The following CACNA1B variants were observed in gnomAD, a reference collection of about 807,000 sequenced individuals.
The protein encoded by CACNA1B is calcium voltage-gated channel subunit alpha1 B.
CACNA1B carries 70 observed loss-of-function variants against 247.2 expected under a neutral mutation model. That is an observed-to-expected ratio of 0.28 (90% CI 0.23 to 0.35). CACNA1B has a LOEUF of 0.35. CACNA1B is among the 10% of genes least tolerant of loss of function. The probability of loss-of-function intolerance (pLI) is 1.00; values close to 1 mark genes in which losing one functional copy is unlikely to be tolerated. For synonymous variants in CACNA1B, 1,231 were observed against 1,294.4 expected (o/e 0.95, Z 1.05); for missense variants, 2,367 against 3,197.4 (o/e 0.74, Z 6.26).
intron 6 of CACNA1B, among the ~76,000 whole-genome samples, chr9:137,939,530 T>A (rs964826701): frequency 1.3e-5 from 2 of 152,030 alleles, no homozygotes; most frequent in Non-Finnish European, 2.9e-5. Flanking sequence ...CCGGATGTGG[T>A]GGCTCACACC....
At chr9:137,929,153 C>G (rs946848392) in intron 6 of CACNA1B, among the ~76,000 whole-genome samples, 8 of 152,168 alleles carry the variant, frequency 5.3e-5, no homozygotes, top group Non-Finnish European at 8.8e-5. Context: ...TTTGAGGAAC[C>G]ACCAAACTGT....
intron 37 of CACNA1B, among the ~76,000 whole-genome samples, chr9:138,098,657 A>G (rs1961140606): frequency 6.6e-6 from 1 of 152,188 alleles, no homozygotes; most frequent in Non-Finnish European, 1.5e-5. Flanking sequence ...TACCATGCAC[A>G]GTGGTACCAT....
chr9:137,986,911 C>A lies in CACNA1B; in HGVS notation c.1974+57C>A. The stretch of plus-strand genomic sequence containing the variant: ...GCCCGGCTCCCGTCTCCCCTGGGTG[C>A]TGGGAAGGCGGACTCTCCTGTCATT... On this transcript the variant is annotated intron_variant, in intron 15 of 46. Coordinates refer to ENST00000371372, the MANE Select transcript of CACNA1B (RefSeq NM_000718.4). The surrounding 1 kb of genome is among the most constrained non-coding windows in gnomAD (Gnocchi z 6.0). 7.6e-7 allele frequency: 1 copy of A among 1,318,262 alleles called. No individual in the cohort carries two copies. The highest frequency in any genetic ancestry group is 1.1e-6 in the Non-Finnish European group (1 of 912,460). 81.7% of individuals were successfully genotyped at this position (1,318,262 alleles called of 1,614,324 possible).
chr9:138,075,878 G>A lies in CACNA1B; in HGVS notation c.4917G>A (p.Arg1639=), dbSNP rs774874664. 3.1e-6 allele frequency: 5 copies of A among 1,612,634 alleles called. No individual in the cohort carries two copies. In the South Asian group the frequency reaches 5.5e-5, roughly 18 times the overall value. The change falls in exon 35 of 47, where the codon CGG becomes CGA. Residue 1639 remains arginine, a synonymous_variant. Transcript: ENST00000371372. ...GCATCAACCGCCACAACAACTTCCG[G>A]ACGTTTTTGCAAGCCCTGATGCTGC... ...DTSINRHNNF[R]TFLQALMLLF...
At chr9:138,038,762 G>T (rs1959078593) in intron 20 of CACNA1B, among the ~76,000 whole-genome samples, 1 of 152,234 alleles carries the variant, frequency 6.6e-6, no homozygotes, top group African/African-American at 2.4e-5. Context: ...TCACCTCACG[G>T]TGTGCTTCTG....
At chr9:137,928,251 C>G (rs1264243327) in intron 6 of CACNA1B, among the ~76,000 whole-genome samples, 1 of 152,140 alleles carries the variant, frequency 6.6e-6, no homozygotes, top group Non-Finnish European at 1.5e-5. Flanking sequence ...GCACCCACCA[C>G]CACGCCTGGC....
At chr9:138,120,962 C>T (rs1374645169) in intron 46 of CACNA1B, 81 bp downstream of exon 46, 3 of 1,443,458 alleles carry the variant, frequency 2.1e-6, no homozygotes, top group Admixed American at 2.7e-5. Context: ...TCCTGCCTCT[C>T]CCCAGGGCCT....
chr9:138,047,190 G>T (rs1589093588), intron 22 of CACNA1B, among the ~76,000 whole-genome samples, 157 bp downstream of exon 22: 1 of 152,190 alleles, frequency 6.6e-6, no homozygotes, highest in East Asian at 1.9e-4. Flanking sequence ...ACGACCAAAG[G>T]TCTGGAGACA....
At chr9:137,944,333 T>A (rs1366008594) in intron 6 of CACNA1B, among the ~76,000 whole-genome samples, 1 of 152,226 alleles carries the variant, frequency 6.6e-6, no homozygotes, top group Non-Finnish European at 1.5e-5. Flanking sequence ...CTGGATTTTC[T>A]TTCTTGCCCA....
Position 138,075,832 on chromosome 9 carries a change from T to C in CACNA1B, c.4871T>C (p.Ile1624Thr). Residue 1624 changes from isoleucine (I) to threonine (T), a missense_variant, in exon 35 of 47, where the codon ATT becomes ACT. By Grantham distance (89) the Ile-to-Thr change is moderately conservative. This residue lies in a region of CACNA1B where 436 missense variants were observed against 679.5 expected (regional missense o/e 0.64). Transcript: ENST00000371372. ...TCTCCATTGCAGGTGTTTGGGAATATTGCCCTGGATGATGACACCAGCATC... is the reference window on the plus strand; with the variant it reads ...TCTCCATTGCAGGTGTTTGGGAATACTGCCCTGGATGATGACACCAGCATC... ...AIIGMQVFGNIALDDDTSINR... is the reference protein window; with the variant it reads ...AIIGMQVFGNTALDDDTSINR... The C allele has an allele frequency of 6.2e-7, 1 of 1,608,558 alleles. No individual in the cohort carries two copies. The highest frequency in any genetic ancestry group is 8.5e-7 in the Non-Finnish European group (1 of 1,175,938).
chr9:138,074,279 C>T (rs1413842713), intron 34 of CACNA1B, among the ~76,000 whole-genome samples: 2 of 149,654 alleles, frequency 1.3e-5, no homozygotes, highest in African/African-American at 5.0e-5. Context: ...CTGGCTTTGT[C>T]ACCCCGGCTG....
chr9:137,951,627 T>C lies in CACNA1B; in HGVS notation c.967-647T>C, dbSNP rs868447777. ...GCATAAAAATGAAACAACTATGGAA[T>C]CAAATTGGGTTCAAAGGAGCGCACC... On this transcript the variant is annotated intron_variant, in intron 6 of 46. Transcript: ENST00000371372. 2.6e-5 allele frequency among the ~76,000 whole-genome samples: 4 copies of C among 152,184 alleles called. No individual in the cohort carries two copies. The South Asian group carries it at 6.2e-4, about 24-fold the overall frequency.
intron 5 of CACNA1B, among the ~76,000 whole-genome samples, chr9:137,916,092 G>A (rs1403400274): frequency 1.3e-5 from 2 of 150,494 alleles, no homozygotes; most frequent in East Asian, 3.9e-4. Flanking sequence ...GGGGGCAGTG[G>A]TGCAATCTCG....
chr9:137,912,620 T>G (rs1010399750), intron 3 of CACNA1B, among the ~76,000 whole-genome samples: 1 of 152,230 alleles, frequency 6.6e-6, no homozygotes, highest in African/African-American at 2.4e-5. Context: ...GGGATATGTT[T>G]TTTTGCTAAT....
intron 15 of CACNA1B, among the ~76,000 whole-genome samples, chr9:137,995,485 A>G (rs1237696868): frequency 6.6e-6 from 1 of 152,244 alleles, no homozygotes; most frequent in African/African-American, 2.4e-5. Flanking sequence ...AGCCACAGGT[A>G]GGAGAATGAA....
intron 12 of CACNA1B, among the ~76,000 whole-genome samples, chr9:137,976,261 C>A (rs1283761955): frequency 6.6e-6 from 1 of 152,260 alleles, no homozygotes; most frequent in African/African-American, 2.4e-5. Flanking sequence ...CTTCCCTCTT[C>A]TGATCCTGTC....
chr9:138,115,487 C>G (rs1961820288), intron 41 of CACNA1B, 65 bp from the exon 42 acceptor site: 12 of 1,548,746 alleles, frequency 7.7e-6, no homozygotes, highest in Non-Finnish European at 1.1e-5. Flanking sequence ...ATGGTCAGAG[C>G]AGGTCACAGA....
At chr9:138,053,640 T>G in intron 25 of CACNA1B, among the ~76,000 whole-genome samples, 1 of 18,848 alleles carries the variant, frequency 5.3e-5, no homozygotes, top group South Asian at 1.7e-3. Flanking sequence ...GGCACCACCC[T>G]TCCCCTCATG....
chr9:137,892,787 T>C (rs962576989), intron 3 of CACNA1B, among the ~76,000 whole-genome samples: 1 of 152,182 alleles, frequency 6.6e-6, no homozygotes, highest in Non-Finnish European at 1.5e-5. Flanking sequence ...GGGGAGGGAA[T>C]GGTGTCCCTG....
Sources: gnomAD v4.1 joint callset for allele counts (sites outside exome capture counted in the v4.1 genomes callset) on GRCh38, gnomAD v4.1.1 for gene constraint, gnomAD v4.1.1 regional missense constraint, Gnocchi (gnomAD v3.1) non-coding constraint, MANE v1.5 for transcripts, NCBI Gene and HGNC (gene_info 2026-07-23, HGNC 2026-07-21) for gene names.